LARGE1: variants seen among roughly 807,000 people sequenced by gnomAD.
LARGE1 encodes the protein LARGE xylosyl- and glucuronyltransferase 1.
Under a neutral mutation model 87.6 loss-of-function variants are expected in LARGE1, and 43 were observed. The ratio of observed to expected loss-of-function variants is 0.49; its 90% confidence interval spans 0.38 to 0.63. The LOEUF (loss-of-function observed/expected upper bound fraction) is 0.63. Ranked by LOEUF, LARGE1 falls within the 30% of genes least tolerant of loss-of-function variation. LARGE1 has a pLI of 0.00. For missense variants in LARGE1, 802 were observed against 1,000.2 expected (o/e 0.80, Z 2.67); for synonymous variants, 434 against 394.6 (o/e 1.10, Z -1.18).
intron 1 of LARGE1, among the ~76,000 whole-genome samples, chr22:33,842,436 A>T (rs2063307888): frequency 6.6e-6 from 1 of 152,186 alleles, no homozygotes; most frequent in African/African-American, 2.4e-5. Flanking sequence ...TCATCTGAGC[A>T]GTGCTAAAAA....
At chr22:33,717,133 G>A (rs1248214880) in intron 2 of LARGE1, among the ~76,000 whole-genome samples, 1 of 151,978 alleles carries the variant, frequency 6.6e-6, no homozygotes, top group Non-Finnish European at 1.5e-5. Context: ...CATGTTGGTG[G>A]GTCTCTTCTT....
chr22:33,692,402 CCAGG>C (rs539819226), intron 2 of LARGE1, among the ~76,000 whole-genome samples: 15 of 152,320 alleles, frequency 9.8e-5, no homozygotes, highest in Admixed American at 5.9e-4. Flanking sequence ...CCTCCACCTC[CCAGG>C]TTCAAGTGTT....
chr22:33,283,886 A>G (rs1460878282), intron 12 of LARGE1, among the ~76,000 whole-genome samples: 2 of 151,954 alleles, frequency 1.3e-5, no homozygotes, highest in African/African-American at 4.8e-5. Context: ...GAAAAGAAAG[A>G]AAAAGTAAAG....
intron 7 of LARGE1, among the ~76,000 whole-genome samples, chr22:33,404,967 AG>A (rs1448336427): frequency 6.6e-6 from 1 of 152,216 alleles, no homozygotes; most frequent in Non-Finnish European, 1.5e-5. Context: ...AGAGGCTCCC[AG>A]TTCGAAGGAC....
intron 8 of LARGE1, among the ~76,000 whole-genome samples, chr22:33,383,982 T>C (rs2065242434): frequency 6.6e-6 from 1 of 152,222 alleles, no homozygotes; most frequent in Non-Finnish European, 1.5e-5. Context: ...TCAGTGAAAG[T>C]CTGCCGAATG....
intron 1 of LARGE1, among the ~76,000 whole-genome samples, chr22:33,860,599 C>T (rs373815928): frequency 2.6e-5 from 4 of 152,212 alleles, no homozygotes; most frequent in Admixed American, 6.5e-5. Flanking sequence ...CTCTCTGACA[C>T]TCAGCGTCCT....
At chr22:33,216,597 C>CAA (rs71673655) in intron 11 of LARGE1, among the ~76,000 whole-genome samples, 6,436 of 122,406 alleles carry the variant, frequency 0.053, 521 homozygotes, top group African/African-American at 0.19. Context: ...CACTCCATCT[C>CAA]AAAAAAAAAA....
chr22:33,639,024 C>G (rs1335309759), intron 3 of LARGE1, among the ~76,000 whole-genome samples: 1 of 152,154 alleles, frequency 6.6e-6, no homozygotes, highest in Non-Finnish European at 1.5e-5. Context: ...GCTTTTGTGA[C>G]CATTTCAACT....
chr22:33,375,643 T>C (rs2064967341), intron 9 of LARGE1, among the ~76,000 whole-genome samples: 1 of 152,248 alleles, frequency 6.6e-6, no homozygotes, highest in Non-Finnish European at 1.5e-5. Context: ...ATAAAAATTA[T>C]CAATTCCTGG....
intron 6 of LARGE1, among the ~76,000 whole-genome samples, chr22:33,522,094 C>T (rs1461457159): frequency 6.6e-6 from 1 of 152,130 alleles, no homozygotes; most frequent in Admixed American, 6.5e-5. Flanking sequence ...CATGAGGGAT[C>T]CGCTCCCTTG....
At chr22:33,756,293 G>C (rs1055824847) in intron 2 of LARGE1, among the ~76,000 whole-genome samples, 1 of 152,190 alleles carries the variant, frequency 6.6e-6, no homozygotes, top group Non-Finnish European at 1.5e-5. Flanking sequence ...CGGCACTACA[G>C]TAGGTGCTAG....
intron 2 of LARGE1, among the ~76,000 whole-genome samples, chr22:33,658,409 C>T (rs2081030501): frequency 1.3e-5 from 2 of 152,220 alleles, no homozygotes; most frequent in Non-Finnish European, 2.9e-5. Context: ...AGCCCAGCAT[C>T]CATTAGCTAC....
At chr22:33,686,312 C>T (rs1295041516) in intron 2 of LARGE1, among the ~76,000 whole-genome samples, 2 of 151,748 alleles carry the variant, frequency 1.3e-5, no homozygotes, top group Non-Finnish European at 2.9e-5. Flanking sequence ...ACCCCTGGTT[C>T]GAACCCCTGT....
chr22:33,326,038 C>T (rs770733701), intron 10 of LARGE1, among the ~76,000 whole-genome samples: 19 of 152,166 alleles, frequency 1.2e-4, no homozygotes, highest in Middle Eastern at 3.2e-3. Context: ...AAAAAGCTCA[C>T]GACCTTCCTC....
At chr22:33,712,437 G>A (rs2065004863) in intron 2 of LARGE1, among the ~76,000 whole-genome samples, 1 of 152,126 alleles carries the variant, frequency 6.6e-6, no homozygotes, top group Non-Finnish European at 1.5e-5. Context: ...CATGTTCACT[G>A]AGGCCATGAA....
rs114422918 is a variant in LARGE1 at position 33,230,255 on chromosome 22, C to T, written c.1731-63423G>A. ...TCTCGATCTCTTGACCTCGTAATCT[C>T]GTAATCCACCCACCTCAGCCTCCCA... On this transcript the variant is annotated intron_variant, in intron 11 of 11. Coordinates refer to the LARGE1 transcript ENST00000608642. Among the ~76,000 whole-genome samples the T allele has an allele frequency of 6.9e-3, 1,049 of 151,900 alleles. 18 individuals carry two copies. Among genetic ancestry groups the T allele is most frequent in the African/African-American group, 0.023 (961 of 41,426 alleles).
At chr22:33,335,800 T>C (rs1938370689) in intron 10 of LARGE1, among the ~76,000 whole-genome samples, 1 of 152,194 alleles carries the variant, frequency 6.6e-6, no homozygotes, top group African/African-American at 2.4e-5. Flanking sequence ...CTCATTCATG[T>C]CATTTAGGTT....
rs1569060165 is a variant in LARGE1 at position 33,327,981 on chromosome 22, ATG to A, written c.1287+9663_1287+9664del. Reference sequence around the variant, plus strand: ...TGGTGCCAGGCACTCTTTAATGAAGATGTACTGATGAATAAAACAGATAAAAA... The same window carrying A: ...TGGTGCCAGGCACTCTTTAATGAAGATACTGATGAATAAAACAGATAAAAA... On this transcript the variant is annotated intron_variant, in intron 10 of 14. Coordinates refer to ENST00000397394, the MANE Select transcript of LARGE1 (RefSeq NM_133642.5). Among the ~76,000 whole-genome samples the A allele has an allele frequency of 2.1e-4, 19 of 90,720 alleles. No individual in the cohort carries two copies. The East Asian group carries it at 0.025, about 119-fold the overall frequency. The allele number at this position is 90,720 out of a possible 152,430, so 59.5% of individuals were successfully genotyped here.
chr22:33,844,559 T>A (rs1372083881), intron 1 of LARGE1, among the ~76,000 whole-genome samples: 1 of 151,954 alleles, frequency 6.6e-6, no homozygotes, highest in Non-Finnish European at 1.5e-5. Flanking sequence ...GTGCAAGAGG[T>A]CTGAAGGGTA....
Sources: allele counts gnomAD v4.1 joint callset (sites outside exome capture counted in the v4.1 genomes callset), GRCh38; gene constraint gnomAD v4.1.1; transcripts MANE v1.5; gene names NCBI Gene and HGNC (gene_info 2026-07-23, HGNC 2026-07-21).